Variants in GABRA3 observed in about 807,000 individuals in gnomAD.
The protein encoded by GABRA3 is gamma-aminobutyric acid receptor subunit alpha-3.
In GABRA3, 10 loss-of-function variants were observed where a neutral mutation model predicts 30.1. That is an observed-to-expected ratio of 0.33 (90% CI 0.20 to 0.56). GABRA3 has a LOEUF of 0.56. Among genes scored for constraint, GABRA3 ranks in the 20% least tolerant of loss-of-function variants. The probability of loss-of-function intolerance (pLI) is 0.89; values close to 1 mark genes in which losing one functional copy is unlikely to be tolerated. For synonymous variants in GABRA3, 151 were observed against 146.8 expected, an observed-to-expected ratio of 1.03 and a Z score of -0.21; for missense variants, 233 against 392.0, an observed-to-expected ratio of 0.59 and a Z score of 3.42.
intron 1 of GABRA3, 113 bp from the exon 2 acceptor site, chrX:152,364,709 C>T: frequency 1.9e-6 from 1 of 513,393 alleles, no homozygotes; most frequent in South Asian, 4.2e-5. Flanking sequence ...TCTATTAGAG[C>T]CATTTAACTT....
chrX:152,169,189 G>A (rs1218719877), intron 9 of GABRA3, among the ~76,000 whole-genome samples: 1 of 112,500 alleles, frequency 8.9e-6, no homozygotes, highest in African/African-American at 3.2e-5. Context: ...GTGAGGAAGA[G>A]AGCTTGGTGA....
intron 1 of GABRA3, chrX:152,389,490 G>A (rs774766600): frequency 9.0e-5 from 10 of 111,651 alleles, no homozygotes; most frequent in Non-Finnish European, 1.3e-4. Flanking sequence ...GCGTGATGAA[G>A]CGGCACTACT....
chrX:152,265,530 C>T (rs1330368136), intron 4 of GABRA3, among the ~76,000 whole-genome samples: 1 of 111,170 alleles, frequency 9.0e-6, no homozygotes, highest in African/African-American at 3.3e-5. Flanking sequence ...GATATAAGTG[C>T]CTCTACCAAA....
rs771173582 is a variant in GABRA3 at position 152,435,582 on chromosome X, CT to C, written c.-27+15563del. On this transcript the variant is annotated intron_variant, in intron 1 of 9. Coordinates refer to ENST00000370314, the MANE Select transcript of GABRA3 (RefSeq NM_000808.4). Reference sequence around the variant, plus strand: ...GACATAGGGAGGGGAACATCACACACTGGGGCCTGTCAGGGGGTGGGGGGCT... The same window carrying C: ...GACATAGGGAGGGGAACATCACACACGGGGCCTGTCAGGGGGTGGGGGGCT... Among the ~76,000 whole-genome samples the C allele has an allele frequency of 4.0e-3, 425 of 105,237 alleles. 3 individuals carry two copies. Among genetic ancestry groups the C allele is most frequent in the African/African-American group, 0.014 (388 of 28,220 alleles). 91.4% of individuals were successfully genotyped at this position (105,237 alleles called of 115,157 possible). A position where few individuals can be genotyped will look rare whatever the true frequency, so the allele number is the denominator to read the frequency against.
chrX:152,413,207 C>T (rs1930117349), intron 1 of GABRA3, among the ~76,000 whole-genome samples: 1 of 110,032 alleles, frequency 9.1e-6, no homozygotes, highest in Admixed American at 9.7e-5. Flanking sequence ...GACCAGATGG[C>T]TTCACTAGAG....
chrX:152,259,798 A>T (rs887600090), intron 4 of GABRA3, among the ~76,000 whole-genome samples: 3 of 111,152 alleles, frequency 2.7e-5, no homozygotes, highest in Non-Finnish European at 3.8e-5. Context: ...GGTGAGACTC[A>T]GTACATTCCC....
chrX:152,255,231 C>T (rs771363376), intron 5 of GABRA3, among the ~76,000 whole-genome samples: 39 of 110,710 alleles, frequency 3.5e-4, no homozygotes, highest in African/African-American at 1.2e-3. Flanking sequence ...TCCTCAGTAT[C>T]CTAAGGTAAT....
intron 1 of GABRA3, among the ~76,000 whole-genome samples, chrX:152,415,674 T>C (rs1224233525): frequency 1.8e-5 from 2 of 111,643 alleles, no homozygotes; most frequent in Admixed American, 1.9e-4. Flanking sequence ...TATGGCATAG[T>C]TAACATTGTA....
intron 5 of GABRA3, among the ~76,000 whole-genome samples, chrX:152,239,100 G>A (rs372641176): frequency 0.12 from 12,195 of 99,763 alleles, 710 homozygotes; most frequent in Admixed American, 0.21. Context: ...TGTCAATTTT[G>A]GATCTTTCCT....
At chrX:152,213,284 A>G (rs1449012237) in intron 6 of GABRA3, among the ~76,000 whole-genome samples, 10 of 112,225 alleles carry the variant, frequency 8.9e-5, no homozygotes, top group Non-Finnish European at 1.3e-4. Flanking sequence ...TCAAGGCATC[A>G]TATTAGATAG....
chrX:152,294,113 C>G lies in GABRA3; in HGVS notation c.263-9378G>C, dbSNP rs747773748. On this transcript the variant is annotated intron_variant, in intron 3 of 9. Transcript: ENST00000370314. ...CTGACCATTATGTGTCTTGGGGTTG[C>G]TCTTCTTGAGGAGTATCTTTGTGGT... 2.0e-3 allele frequency among the ~76,000 whole-genome samples: 223 copies of G among 111,069 alleles called. 2 individuals are homozygous for G. The highest frequency in any genetic ancestry group is 7.0e-3 in the African/African-American group (214 of 30,546).
intron 4 of GABRA3, among the ~76,000 whole-genome samples, chrX:152,277,140 A>G (rs777731064): frequency 1.5e-4 from 17 of 111,710 alleles, no homozygotes; most frequent in South Asian, 7.4e-4. Context: ...CAGACTGCCA[A>G]TAAGCGGGAG....
intron 7 of GABRA3, among the ~76,000 whole-genome samples, chrX:152,205,619 C>A (rs772764486): frequency 8.9e-6 from 1 of 111,805 alleles, no homozygotes; most frequent in African/African-American, 3.2e-5. Flanking sequence ...GACAGGAAGG[C>A]TTTTCACTTT....
intron 1 of GABRA3, chrX:152,394,360 A>T (rs773240892): frequency 5.3e-6 from 2 of 376,862 alleles, no homozygotes; most frequent in South Asian, 4.8e-5. Context: ...TTTAAAACAG[A>T]GCAGAAAAAT....
chrX:152,385,571 T>A (rs1202580563), intron 1 of GABRA3, among the ~76,000 whole-genome samples: 1 of 112,119 alleles, frequency 8.9e-6, no homozygotes, highest in Non-Finnish European at 1.9e-5. Flanking sequence ...TAGTTTCTTT[T>A]GCTGTGCAGA....
intron 5 of GABRA3, among the ~76,000 whole-genome samples, chrX:152,228,108 C>T (rs753535262): frequency 5.4e-5 from 6 of 111,678 alleles, no homozygotes; most frequent in African/African-American, 1.6e-4. Context: ...TAACCATTGA[C>T]ACAGGGCAAG....
intron 1 of GABRA3, among the ~76,000 whole-genome samples, chrX:152,374,337 C>CTTTTTTTTTTTTTTTTTTTTTTTTTT (rs55927249): frequency 2.4e-5 from 1 of 41,678 alleles, no homozygotes; most frequent in Admixed American, 3.2e-4. Flanking sequence ...CTTTTCTTTT[C>CTTTTTTTTTTTTTTTTTTTTTTTTTT]TTTTTTTTTT....
chrX:152,372,122 T>C (rs1427888064), intron 1 of GABRA3, among the ~76,000 whole-genome samples: 2 of 111,242 alleles, frequency 1.8e-5, no homozygotes, highest in Admixed American at 1.9e-4. Flanking sequence ...TCTTGCCCCC[T>C]TATAGTCCAT....
intron 3 of GABRA3, among the ~76,000 whole-genome samples, chrX:152,306,347 G>A (rs61132838): frequency 0.21 from 23,722 of 111,491 alleles, 2,278 homozygotes; most frequent in African/African-American, 0.39. Context: ...ATATTTACCA[G>A]AAATGTCTAC....
Sources: allele counts gnomAD v4.1 joint callset (sites outside exome capture counted in the v4.1 genomes callset), GRCh38; gene constraint gnomAD v4.1.1; transcripts MANE v1.5; gene names NCBI Gene and HGNC (gene_info 2026-07-23, HGNC 2026-07-21).